RASGRP1: variants seen among roughly 807,000 people sequenced by gnomAD.
RASGRP1 encodes the protein RAS guanyl releasing protein 1.
In RASGRP1, 37 loss-of-function variants were observed where a neutral mutation model predicts 95.1. That is an observed-to-expected ratio of 0.39 (90% CI 0.30 to 0.51). RASGRP1 has a LOEUF of 0.51. Ranked by LOEUF, RASGRP1 falls within the 20% of genes least tolerant of loss-of-function variation. RASGRP1 has a pLI of 0.80. For missense variants in RASGRP1, 711 were observed against 965.4 expected (o/e 0.74, Z 3.49); for synonymous variants, 325 against 353.4 (o/e 0.92, Z 0.90).
At chr15:38,543,847 A>G (rs762008443) in intron 2 of RASGRP1, among the ~76,000 whole-genome samples, 1 of 151,918 alleles carries the variant, frequency 6.6e-6, no homozygotes, top group African/African-American at 2.4e-5. Context: ...TAGCTGCTTT[A>G]AATTCTCTAT....
chr15:38,501,022 A>G lies in RASGRP1; in HGVS notation c.1683+121T>C, dbSNP rs1345366090. 5 of 1,158,180 alleles carry G rather than the reference A, an allele frequency of 4.3e-6. No individual in the cohort carries two copies. In the African/African-American group the frequency reaches 7.7e-5, roughly 18 times the overall value. The allele number at this position is 1,158,180 out of a possible 1,614,324, so 71.7% of individuals were successfully genotyped here. ...ACACGCTTGAGCTCTAGGTTATTCTAGGTGTCTGTCTGGGCTCCAAGCTGG... is the reference window on the plus strand; with the variant it reads ...ACACGCTTGAGCTCTAGGTTATTCTGGGTGTCTGTCTGGGCTCCAAGCTGG... On this transcript the variant is annotated intron_variant, in intron 13 of 16. Transcript: ENST00000310803.
rs1472090418 is a variant in RASGRP1, at chr15:38,492,472, A to G, written c.2260-1784T>C. ...GACAGTTTTTCAGTCTGTAGAATGT[A>G]GAATTATATAAGGAATTCTACTAGC... On this transcript the variant is annotated intron_variant, in intron 16 of 16. Transcript: ENST00000310803. Among the ~76,000 whole-genome samples, 3 of 152,206 alleles carry G rather than the reference A, an allele frequency of 2.0e-5. No homozygotes were observed. The East Asian group carries it at 5.8e-4, about 29-fold the overall frequency.
At chr15:38,553,495 C>A (rs1393287157) in intron 2 of RASGRP1, among the ~76,000 whole-genome samples, 6 of 152,298 alleles carry the variant, frequency 3.9e-5, no homozygotes, top group African/African-American at 1.4e-4. Context: ...AAGCACTCCC[C>A]AGTTCCTCCC....
At chr15:38,510,797 C>T (rs890383597) in intron 8 of RASGRP1, among the ~76,000 whole-genome samples, 1 of 152,034 alleles carries the variant, frequency 6.6e-6, no homozygotes, top group East Asian at 1.9e-4. Context: ...CTTATCTCTA[C>T]AAAAATTTTA....
In RASGRP1 at chr15:38,499,113, G is replaced by A. The variant is rs760180538; in HGVS notation, c.1721-167C>T. 2.1e-5 allele frequency: 19 copies of A among 920,042 alleles called. No individual in the cohort carries two copies. The Admixed American group carries it at 2.1e-4, about 10-fold the overall frequency. The allele number at this position is 920,042 out of a possible 1,614,324, so 57.0% of individuals were successfully genotyped here. A position where few individuals can be genotyped will look rare whatever the true frequency, so the allele number is the denominator to read the frequency against. On this transcript the variant is annotated intron_variant, in intron 14 of 16. Coordinates refer to ENST00000310803, the MANE Select transcript of RASGRP1 (RefSeq NM_005739.4). ...GAAGCTAGCATTCTTCTCACTTGGT[G>A]AAGCCCAGAGCTCACACTCTTGATG...
chr15:38,491,928 G>A (rs181009075), intron 16 of RASGRP1, among the ~76,000 whole-genome samples: 62 of 152,270 alleles, frequency 4.1e-4, no homozygotes, highest in Middle Eastern at 3.4e-3. Flanking sequence ...TCATCGGCAT[G>A]TAAAATGTCA....
At chr15:38,555,535 G>C (rs1347978775) in intron 2 of RASGRP1, among the ~76,000 whole-genome samples, 1 of 152,184 alleles carries the variant, frequency 6.6e-6, no homozygotes, top group Non-Finnish European at 1.5e-5. Context: ...CCCAACCCAG[G>C]TTGCAAGTGG....
At chr15:38,535,181 G>A (rs1390983002) in intron 2 of RASGRP1, among the ~76,000 whole-genome samples, 1 of 152,160 alleles carries the variant, frequency 6.6e-6, no homozygotes, top group African/African-American at 2.4e-5. Flanking sequence ...CAGCCATGGT[G>A]AGTAGAGGAA....
At chr15:38,560,227 A>G (rs887374253) in intron 1 of RASGRP1, 4 of 564,236 alleles carry the variant, frequency 7.1e-6, no homozygotes, top group African/African-American at 5.6e-5. Context: ...AGTGCTCTTC[A>G]TCCTGGCATT....
chr15:38,493,278 A>G (rs2141074489), intron 16 of RASGRP1, among the ~76,000 whole-genome samples: 1 of 146,260 alleles, frequency 6.8e-6, no homozygotes, highest in East Asian at 2.0e-4. Context: ...CCCGGGTTCA[A>G]GTGATTCTCC....
At chr15:38,556,195 C>T (rs565100441) in intron 2 of RASGRP1, among the ~76,000 whole-genome samples, 15 of 152,304 alleles carry the variant, frequency 9.8e-5, no homozygotes, top group African/African-American at 3.6e-4. Flanking sequence ...GAATGTAAAG[C>T]ATGATCTCTG....
At chr15:38,534,480 T>C (rs1450754897) in intron 2 of RASGRP1, 4 of 152,252 alleles carry the variant, frequency 2.6e-5, no homozygotes, top group Admixed American at 6.5e-5. Context: ...TTGGTTACAA[T>C]TGGCTTTTAA....
intron 2 of RASGRP1, among the ~76,000 whole-genome samples, chr15:38,548,005 C>A (rs1893171468): frequency 6.8e-6 from 1 of 147,188 alleles, no homozygotes; most frequent in Admixed American, 6.8e-5. Flanking sequence ...TTTTTGGATA[C>A]CCAGGAATTG....
intron 15 of RASGRP1, among the ~76,000 whole-genome samples, chr15:38,497,011 G>A (rs916577627): frequency 1.3e-5 from 2 of 152,158 alleles, no homozygotes; most frequent in Admixed American, 6.5e-5. Flanking sequence ...TGGTACATAC[G>A]TGTTAAGCCC....
chr15:38,546,331 C>T (rs929367092), intron 2 of RASGRP1, among the ~76,000 whole-genome samples: 3 of 152,162 alleles, frequency 2.0e-5, no homozygotes, highest in Non-Finnish European at 4.4e-5. Context: ...GATTCTCTTG[C>T]CTCAGCCTCC....
At chr15:38,526,447 A>G in intron 2 of RASGRP1, 43 bp from the exon 3 acceptor site, 1 of 1,497,038 alleles carries the variant, frequency 6.7e-7, no homozygotes, top group Non-Finnish European at 9.3e-7. Context: ...CCCTGGAGGG[A>G]AACTAGTCAC....
At chr15:38,519,619 G>C (rs1891920916) in intron 3 of RASGRP1, among the ~76,000 whole-genome samples, 1 of 152,180 alleles carries the variant, frequency 6.6e-6, no homozygotes, top group South Asian at 2.1e-4. Context: ...ACGGAAGGAA[G>C]CAGCAGCACT....
rs1181222959 is a variant in RASGRP1 at position 38,489,119 on chromosome 15, A to T, written c.*1435T>A. The stretch of plus-strand genomic sequence containing the variant: ...ATGAAGACTTGGTGCTATTGGCTTT[A>T]GTTTGGAACTTTTAATTGTTAACAT... On this transcript the variant is annotated 3_prime_UTR_variant, in exon 17 of 17. Coordinates refer to ENST00000310803, the MANE Select transcript of RASGRP1 (RefSeq NM_005739.4). 6.6e-6 allele frequency: 1 copy of T among 151,958 alleles called. No homozygotes were observed. Among genetic ancestry groups the T allele is most frequent in the East Asian group, 1.9e-4 (1 of 5,196 alleles). The allele number at this position is 151,958 out of a possible 1,614,324, so 9.4% of individuals were successfully genotyped here.
At chr15:38,554,439 T>C (rs987772124) in intron 2 of RASGRP1, among the ~76,000 whole-genome samples, 4 of 152,238 alleles carry the variant, frequency 2.6e-5, no homozygotes, top group Non-Finnish European at 4.4e-5. Context: ...CTTTACTGAA[T>C]TGAACTGCTC....
Sources: allele counts gnomAD v4.1 joint callset (sites outside exome capture counted in the v4.1 genomes callset), GRCh38; gene constraint gnomAD v4.1.1; transcripts MANE v1.5; gene names NCBI Gene and HGNC (gene_info 2026-07-23, HGNC 2026-07-21).